Variants in CSMD1 observed in about 807,000 individuals in gnomAD.
CSMD1 encodes CUB and Sushi multiple domains 1, also known as CUB and sushi domain-containing protein 1.
Under a neutral mutation model 417.5 loss-of-function variants are expected in CSMD1, and 213 were observed. The observed-to-expected ratio is 0.51, with a 90% confidence interval of 0.46 to 0.57. The LOEUF (loss-of-function observed/expected upper bound fraction) is 0.57. CSMD1 is among the 20% of genes least tolerant of loss of function. The pLI, the probability that CSMD1 is intolerant of heterozygous loss-of-function variation, is 0.00. For synonymous variants in CSMD1, 2,862 were observed against 1,736.8 expected (o/e 1.65, Z -16.11); for missense variants, 6,923 against 4,529.7 (o/e 1.53, Z -15.17).
intron 5 of CSMD1, among the ~76,000 whole-genome samples, chr8:3,965,042 T>C (rs1419006004): frequency 6.6e-6 from 1 of 152,232 alleles, no homozygotes; most frequent in Non-Finnish European, 1.5e-5. Context: ...ACAATGTGCT[T>C]GTAAATATTG....
rs531511854 is a variant in CSMD1, at chr8:3,329,209, C to G, written c.3631+14085G>C. Among the ~76,000 whole-genome samples the G allele has an allele frequency of 1.2e-4, 19 of 152,192 alleles. No homozygotes were observed. The South Asian group carries it at 3.9e-3, about 32-fold the overall frequency. ...AAATGACCTTGTTTTAGGATATTAT[C>G]AATAACAGAGGAGGCTGAGCTAGGA... is the stretch of plus-strand genomic sequence containing the variant. On this transcript the variant is annotated intron_variant, in intron 23 of 69. Coordinates refer to ENST00000635120, the MANE Select transcript of CSMD1 (RefSeq NM_033225.6).
chr8:4,216,868 T>C (rs1388442279), intron 3 of CSMD1, among the ~76,000 whole-genome samples: 1 of 152,078 alleles, frequency 6.6e-6, no homozygotes, highest in Non-Finnish European at 1.5e-5. Context: ...AGCTTGACAG[T>C]CTCCCTTTTT....
At chr8:3,632,248 C>T (rs1261461604) in intron 7 of CSMD1, among the ~76,000 whole-genome samples, 1 of 152,124 alleles carries the variant, frequency 6.6e-6, no homozygotes, top group African/African-American at 2.4e-5. Flanking sequence ...GGGCTTTAAC[C>T]ATTTGATAAT....
intron 8 of CSMD1, among the ~76,000 whole-genome samples, chr8:3,609,043 A>G (rs1801761147): frequency 6.6e-6 from 1 of 152,206 alleles, no homozygotes; most frequent in South Asian, 2.1e-4. Context: ...TGAGTGTAAA[A>G]ACTTCTATTA....
chr8:4,896,982 G>C (rs538180070), intron 1 of CSMD1, among the ~76,000 whole-genome samples: 1 of 152,078 alleles, frequency 6.6e-6, no homozygotes, highest in Non-Finnish European at 1.5e-5. Context: ...TTTCATTTTT[G>C]TGATGTGTCT....
chr8:4,028,559 A>G (rs563255080), intron 4 of CSMD1, among the ~76,000 whole-genome samples: 1 of 152,344 alleles, frequency 6.6e-6, no homozygotes, highest in South Asian at 2.1e-4. Flanking sequence ...AAATAAAAGC[A>G]TACTGAAGGA....
intron 3 of CSMD1, among the ~76,000 whole-genome samples, chr8:4,368,582 G>T (rs998262272): frequency 6.6e-6 from 1 of 152,054 alleles, no homozygotes; most frequent in Non-Finnish European, 1.5e-5. Flanking sequence ...GTAAAATTCG[G>T]CTTTGAATAC....
intron 2 of CSMD1, among the ~76,000 whole-genome samples, chr8:4,454,920 C>T (rs1320574811): frequency 1.3e-5 from 2 of 152,136 alleles, no homozygotes; most frequent in Non-Finnish European, 2.9e-5. Context: ...CTTACAAACA[C>T]ATCTCACTCC....
At chr8:3,350,042 TATA>T (rs1158180145) in intron 21 of CSMD1, among the ~76,000 whole-genome samples, 7 of 144,700 alleles carry the variant, frequency 4.8e-5, no homozygotes, top group Admixed American at 7.0e-5. Flanking sequence ...TTATAATACC[TATA>T]ATAACCTATA....
intron 8 of CSMD1, among the ~76,000 whole-genome samples, chr8:3,612,803 T>G (rs1198108214): frequency 6.6e-6 from 1 of 152,046 alleles, no homozygotes; most frequent in East Asian, 1.9e-4. Context: ...TTGATAGCAG[T>G]AAATACCCAC....
chr8:4,809,664 A>G (rs1431295564), intron 1 of CSMD1, among the ~76,000 whole-genome samples: 3 of 152,374 alleles, frequency 2.0e-5, no homozygotes, highest in East Asian at 3.9e-4. Context: ...TCTAGGGGCC[A>G]TATTTAAAAA....
chr8:3,238,583 T>C (rs1799298906), intron 26 of CSMD1, among the ~76,000 whole-genome samples: 1 of 151,806 alleles, frequency 6.6e-6, no homozygotes. Context: ...TGAAGGAAGA[T>C]TTTGTGGTAA....
chr8:4,414,367 C>G (rs1315228090), intron 3 of CSMD1, among the ~76,000 whole-genome samples: 2 of 152,152 alleles, frequency 1.3e-5, no homozygotes, highest in African/African-American at 4.8e-5. Flanking sequence ...TCACTTTTCT[C>G]TGGTGAAAAT....
At chr8:4,182,737 G>C (rs938102572) in intron 3 of CSMD1, among the ~76,000 whole-genome samples, 4 of 151,542 alleles carry the variant, frequency 2.6e-5, no homozygotes, top group African/African-American at 7.3e-5. Flanking sequence ...TATAAATAAT[G>C]GAACATCATT....
At position 2,951,254 on chromosome 8, in the gene CSMD1, A is replaced by G; in HGVS notation, c.10061T>C (p.Val3354Ala). Residue 3354 changes from valine (V) to alanine (A), a missense_variant, in exon 66 of 70, where the codon GTC becomes GCC. Coordinates refer to ENST00000635120, the MANE Select transcript of CSMD1 (RefSeq NM_033225.6). ...KTPVPSDVFFVNSLWKGYYEY... is the reference protein window; with the variant it reads ...KTPVPSDVFFANSLWKGYYEY... Reference sequence around the variant, plus strand: ...ATAATACCCCTTCCACAGTGAATTGACGAAAAAGACATCTGAAGGAACTGT... The same window carrying G: ...ATAATACCCCTTCCACAGTGAATTGGCGAAAAAGACATCTGAAGGAACTGT... 6.2e-7 allele frequency: 1 copy of G among 1,605,660 alleles called. No homozygotes were observed. Among genetic ancestry groups the G allele is most frequent in the East Asian group, 2.2e-5 (1 of 44,642 alleles).
intron 1 of CSMD1, among the ~76,000 whole-genome samples, chr8:4,939,151 A>T (rs1288805425): frequency 6.6e-6 from 1 of 152,096 alleles, no homozygotes; most frequent in Non-Finnish European, 1.5e-5. Flanking sequence ...GATGCCATTC[A>T]TTTGTCTATT....
At chr8:3,502,237 C>A (rs7000061) in intron 10 of CSMD1, among the ~76,000 whole-genome samples, 1 of 151,332 alleles carries the variant, frequency 6.6e-6, no homozygotes, top group Admixed American at 6.6e-5. Context: ...TGGTGGTGGG[C>A]GCCTGTAGTC....
rs115248516 is a variant in CSMD1 at position 4,931,717 on chromosome 8, C to G, written c.85+62615G>C. ...AACTAACCAGGATTGAATTATTGAG[C>G]TGTTCCCAGTACCATCTCCTCACAT... On this transcript the variant is annotated intron_variant, in intron 1 of 69. Coordinates refer to ENST00000635120, the MANE Select transcript of CSMD1 (RefSeq NM_033225.6). Among the ~76,000 whole-genome samples, 769 of 152,304 alleles carry G rather than the reference C, an allele frequency of 5.0e-3. 8 individuals carry two copies. The highest frequency in any genetic ancestry group is 0.018 in the African/African-American group (740 of 41,556).
intron 7 of CSMD1, among the ~76,000 whole-genome samples, chr8:3,626,711 T>C (rs1170861860): frequency 5.3e-5 from 8 of 151,308 alleles, no homozygotes; most frequent in Middle Eastern, 3.5e-3. Context: ...TATAAGTATG[T>C]ATTATGTAAT....
Sources: gnomAD v4.1 joint callset for allele counts (sites outside exome capture counted in the v4.1 genomes callset) on GRCh38, gnomAD v4.1.1 for gene constraint, MANE v1.5 for transcripts, NCBI Gene and HGNC (gene_info 2026-07-23, HGNC 2026-07-21) for gene names.